Variants in ZNF566 observed in about 807,000 individuals in gnomAD.
The protein encoded by ZNF566 is zinc finger protein 566.
Under a neutral mutation model 32.8 loss-of-function variants are expected in ZNF566, and 27 were observed. The ratio of observed to expected loss-of-function variants is 0.82; its 90% CI spans 0.61 to 1.14. The LOEUF is 1.14. ZNF566 is among the 50% of genes most tolerant of loss of function. ZNF566 has a pLI of 0.00. For synonymous variants in ZNF566, 154 were observed against 159.5 expected, an observed-to-expected ratio of 0.97 and a Z score of 0.26; for missense variants, 402 against 490.4, an observed-to-expected ratio of 0.82 and a Z score of 1.70.
intron 1 of ZNF566, among the ~76,000 whole-genome samples, chr19:36,484,031 C>T (rs1363760315): frequency 6.6e-6 from 1 of 152,106 alleles, no homozygotes; most frequent in Non-Finnish European, 1.5e-5. Context: ...CTCCACCACA[C>T]CTGGCTAATT....
At chr19:36,473,111 A>G in intron 3 of ZNF566, 105 bp from the exon 4 acceptor site, 1 of 1,171,310 alleles carries the variant, frequency 8.5e-7, no homozygotes, top group South Asian at 1.4e-5. Context: ...GAGAAGAGTC[A>G]AAGAGAGGTA....
chr19:36,488,859 CTG>C (rs901022454), intron 1 of ZNF566, among the ~76,000 whole-genome samples: 1 of 152,154 alleles, frequency 6.6e-6, no homozygotes, highest in African/African-American at 2.4e-5. Flanking sequence ...AAACCTCACA[CTG>C]TGTGACTTAC....
intron 1 of ZNF566, among the ~76,000 whole-genome samples, chr19:36,484,940 T>C (rs1013192325): frequency 6.6e-6 from 1 of 152,074 alleles, no homozygotes; most frequent in African/African-American, 2.4e-5. Context: ...TTCAATAAAA[T>C]GGGAAAAACA....
chr19:36,484,810 T>C (rs1045219569), intron 1 of ZNF566, among the ~76,000 whole-genome samples: 14 of 151,966 alleles, frequency 9.2e-5, no homozygotes, highest in African/African-American at 2.7e-4. Context: ...AGGATGGTCT[T>C]GATCTCCTGA....
chr19:36,470,818 G>A (rs745366879), intron 4 of ZNF566, among the ~76,000 whole-genome samples: 12 of 152,200 alleles, frequency 7.9e-5, no homozygotes, highest in South Asian at 4.1e-4. Context: ...GATGAGGCAC[G>A]AGAATCGCTT....
At chr19:36,487,015 G>A (rs374155771) in intron 1 of ZNF566, among the ~76,000 whole-genome samples, 10 of 150,280 alleles carry the variant, frequency 6.7e-5, no homozygotes, top group African/African-American at 1.7e-4. Flanking sequence ...GCGTGAACCC[G>A]GGAGGCGGAG....
Position 36,476,636 on chromosome 19 carries a change from A to G in ZNF566, c.-59-20T>C. On this transcript the variant is annotated intron_variant, in intron 1 of 4. Coordinates refer to ENST00000452939, the MANE Select transcript of ZNF566 (RefSeq NM_001145344.1). ...GTAGAGCTGGGAGAGGCAAAAGAAGATAGATAAGACCCCACTTTCCTCACA... is the reference window on the plus strand; with the variant it reads ...GTAGAGCTGGGAGAGGCAAAAGAAGGTAGATAAGACCCCACTTTCCTCACA... 6.3e-7 allele frequency: 1 copy of G among 1,599,386 alleles called. No homozygotes were observed. The highest frequency in any genetic ancestry group is 8.5e-7 in the Non-Finnish European group (1 of 1,173,212).
chr19:36,488,857 C>T (rs1704837447), intron 1 of ZNF566, among the ~76,000 whole-genome samples: 1 of 152,142 alleles, frequency 6.6e-6, no homozygotes, highest in South Asian at 2.1e-4. Flanking sequence ...TAAAACCTCA[C>T]ACTGTGTGAC....
At chr19:36,485,622 G>A (rs577949387) in intron 1 of ZNF566, among the ~76,000 whole-genome samples, 2 of 150,722 alleles carry the variant, frequency 1.3e-5, no homozygotes, top group South Asian at 2.1e-4. Context: ...ATCAGCCGGG[G>A]GTGGTGGCAG....
At position 36,447,373 on chromosome 19, in the gene ZNF566, T is replaced by A. The variant is rs1271382291; in HGVS notation, c.*1604A>T. The A allele has an allele frequency of 6.6e-6, 1 of 152,202 alleles. No individual in the cohort carries two copies. Among genetic ancestry groups the A allele is most frequent in the African/African-American group, 2.4e-5 (1 of 41,442 alleles). 9.4% of individuals were successfully genotyped at this position (152,202 alleles called of 1,614,324 possible). ...GATAAAGTTTTCCTTAGAAAGAAAC[T>A]GGATTTGGTGCTTCATTAGTAATAG... On this transcript the variant is annotated 3_prime_UTR_variant, in exon 5 of 5. Transcript: ENST00000452939.
At chr19:36,465,596 C>T (rs886600248) in intron 4 of ZNF566, among the ~76,000 whole-genome samples, 9 of 151,948 alleles carry the variant, frequency 5.9e-5, no homozygotes, top group East Asian at 1.9e-4. Context: ...CTCAGCCTCC[C>T]GAGTACCTGG....
chr19:36,486,708 G>T (rs1471343457), intron 1 of ZNF566, among the ~76,000 whole-genome samples: 1 of 145,364 alleles, frequency 6.9e-6, no homozygotes, highest in Non-Finnish European at 1.5e-5. Flanking sequence ...AGAAAGAAAA[G>T]AACATTTTTA....
At chr19:36,453,128 C>A (rs1406458330) in intron 4 of ZNF566, among the ~76,000 whole-genome samples, 3 of 140,362 alleles carry the variant, frequency 2.1e-5, no homozygotes, top group African/African-American at 2.7e-5. Context: ...AAAAAAAAAA[C>A]AAAAAAACAA....
chr19:36,472,870 C>T (rs773283356), intron 4 of ZNF566, 41 bp downstream of exon 4: 1 of 1,537,768 alleles, frequency 6.5e-7, no homozygotes, highest in Non-Finnish European at 8.9e-7. Context: ...TGCAGTCTCT[C>T]TACCAGCCAA....
At chr19:36,463,632 T>G (rs1262468796) in intron 4 of ZNF566, among the ~76,000 whole-genome samples, 1 of 146,072 alleles carries the variant, frequency 6.8e-6, no homozygotes, top group East Asian at 2.1e-4. Flanking sequence ...AACCTCTGCC[T>G]CCTGGGTTCA....
intron 1 of ZNF566, among the ~76,000 whole-genome samples, chr19:36,487,284 T>C (rs980388001): frequency 6.6e-6 from 1 of 152,044 alleles, no homozygotes; most frequent in Non-Finnish European, 1.5e-5. Flanking sequence ...GAGAGCTTCG[T>C]AGTATCTATT....
At chr19:36,458,450 T>G (rs574076924) in intron 4 of ZNF566, among the ~76,000 whole-genome samples, 2 of 152,152 alleles carry the variant, frequency 1.3e-5, no homozygotes, top group South Asian at 4.2e-4. Flanking sequence ...CTCTAAAACG[T>G]TGAACTCATA....
At chr19:36,464,492 C>T (rs1272954571) in intron 4 of ZNF566, among the ~76,000 whole-genome samples, 3 of 151,980 alleles carry the variant, frequency 2.0e-5, no homozygotes, top group Non-Finnish European at 4.4e-5. Context: ...AACTGATCTC[C>T]ATCTCATACT....
intron 4 of ZNF566, among the ~76,000 whole-genome samples, chr19:36,454,956 C>T (rs1227920552): frequency 1.3e-5 from 2 of 152,142 alleles, no homozygotes; most frequent in African/African-American, 4.8e-5. Flanking sequence ...CCCTGATGAA[C>T]ACAGATACAA....
Sources: allele counts gnomAD v4.1 joint callset (sites outside exome capture counted in the v4.1 genomes callset), GRCh38; gene constraint gnomAD v4.1.1; transcripts MANE v1.5; gene names NCBI Gene and HGNC (gene_info 2026-07-23, HGNC 2026-07-21).